NOVA1: variants seen among roughly 807,000 people sequenced by gnomAD.
NOVA1 encodes RNA-binding protein Nova-1.
A neutral mutation model predicts 38.0 loss-of-function variants in NOVA1; 7 were observed. The ratio of observed to expected loss-of-function variants is 0.18; its 90% confidence interval spans 0.10 to 0.35. NOVA1 has a LOEUF of 0.35. Ranked by LOEUF, NOVA1 falls within the 10% of genes least tolerant of loss-of-function variation. The probability of loss-of-function intolerance (pLI) is 1.00; values close to 1 mark genes in which losing one functional copy is unlikely to be tolerated. For synonymous variants in NOVA1, 270 were observed against 232.5 expected, an observed-to-expected ratio of 1.16 and a Z score of -1.47; for missense variants, 460 against 616.0, an observed-to-expected ratio of 0.75 and a Z score of 2.68.
intron 2 of NOVA1, among the ~76,000 whole-genome samples, chr14:26,532,619 C>T (rs1420843192): frequency 2.0e-5 from 3 of 152,086 alleles, no homozygotes; most frequent in African/African-American, 7.2e-5. Context: ...TATACCATAG[C>T]TTGACTATGG....
intron 2 of NOVA1, among the ~76,000 whole-genome samples, chr14:26,508,891 A>G (rs1185287540): frequency 6.6e-6 from 1 of 151,932 alleles, no homozygotes; most frequent in African/African-American, 2.4e-5. Context: ...ATATGTTTAA[A>G]TATATGAAAG....
At chr14:26,580,867 G>A (rs61988061) in intron 2 of NOVA1, among the ~76,000 whole-genome samples, 146 of 151,364 alleles carry the variant, frequency 9.6e-4, no homozygotes, top group Non-Finnish European at 1.6e-3. Flanking sequence ...TCCTTTTTAG[G>A]GCCACATTAA....
chr14:26,556,079 C>T (rs1891462584), intron 2 of NOVA1, among the ~76,000 whole-genome samples: 1 of 152,038 alleles, frequency 6.6e-6, no homozygotes, highest in Non-Finnish European at 1.5e-5. Context: ...TCAGATCTTC[C>T]CTACTTGATC....
intron 2 of NOVA1, among the ~76,000 whole-genome samples, chr14:26,537,767 T>G (rs1566516374): frequency 6.6e-6 from 1 of 152,088 alleles, no homozygotes. Flanking sequence ...CAGTGATAAG[T>G]GCTGTGAAGA....
At position 26,597,514 on chromosome 14, in the gene NOVA1, T is replaced by TTC. The variant is rs1894282760; in HGVS notation, c.-79_-78insGA. Reference sequence around the variant, plus strand: ...CTTTTTCTTTTCTTTTTTCTTTTTTTTTTTTTTTTTTTTTTGCGTTTGGGG... The same window carrying TTC: ...CTTTTTCTTTTCTTTTTTCTTTTTTTTCTTTTTTTTTTTTTTTGCGTTTGGGG... On this transcript the variant is annotated 5_prime_UTR_variant, in exon 1 of 5. Coordinates refer to ENST00000539517, the MANE Select transcript of NOVA1 (RefSeq NM_002515.3). 1 of 1,154,042 alleles carries TTC rather than the reference T, an allele frequency of 8.7e-7. No homozygotes were observed. Among genetic ancestry groups the TTC allele is most frequent in the Non-Finnish European group, 1.1e-6 (1 of 932,062 alleles). 71.5% of individuals were successfully genotyped at this position (1,154,042 alleles called of 1,614,324 possible).
intron 2 of NOVA1, among the ~76,000 whole-genome samples, chr14:26,482,890 CAG>C (rs1197887293): frequency 6.6e-6 from 1 of 152,010 alleles, no homozygotes; most frequent in East Asian, 1.9e-4. Flanking sequence ...TTTGTAGAGA[CAG>C]AGTTTCGACA....
At position 26,448,511 on chromosome 14, in the gene NOVA1, G is replaced by A. The variant is rs752157270; in HGVS notation, c.972C>T (p.Ser324=). Residue 324 remains serine, a synonymous_variant, in exon 5 of 5, where the codon AGC becomes AGT. Transcript: ENST00000539517. The surrounding 1 kb of genome is among the most constrained non-coding windows in gnomAD (Gnocchi z 5.3). The part of the protein sequence containing the change: ...AITSALNTLA[S]YGYNLNTLGL... ...CTAAAGTGTTGAGATTATATCCATA[G>A]CTGGCTAATGTATTAAGTGCAGAGG... 21 of 1,614,060 alleles carry A rather than the reference G, an allele frequency of 1.3e-5. No homozygotes were observed. Among genetic ancestry groups the A allele is most frequent in the Admixed American group, 5.0e-5 (3 of 60,004 alleles).
chr14:26,503,368 G>GT (rs1346738346), intron 2 of NOVA1, among the ~76,000 whole-genome samples: 1 of 151,940 alleles, frequency 6.6e-6, no homozygotes, highest in African/African-American at 2.4e-5. Flanking sequence ...AGTGGAAGAA[G>GT]GGAAAGGACT....
chr14:26,543,731 G>T (rs990822998), intron 2 of NOVA1, among the ~76,000 whole-genome samples: 27 of 151,960 alleles, frequency 1.8e-4, no homozygotes, highest in African/African-American at 6.5e-4. Context: ...CAATGGTAGT[G>T]TAACAGGATA....
chr14:26,560,344 T>A (rs1274118815), intron 2 of NOVA1, among the ~76,000 whole-genome samples: 1 of 152,154 alleles, frequency 6.6e-6, no homozygotes, highest in African/African-American at 2.4e-5. Context: ...TAAGAAAATA[T>A]AAATTTACTT....
chr14:26,566,558 C>T (rs555449918), intron 2 of NOVA1, among the ~76,000 whole-genome samples: 3 of 152,080 alleles, frequency 2.0e-5, no homozygotes, highest in African/African-American at 7.2e-5. Flanking sequence ...TTATTATTAT[C>T]ATTATTACTA....
chr14:26,469,681 C>T (rs1463706675), intron 4 of NOVA1, among the ~76,000 whole-genome samples: 3 of 152,186 alleles, frequency 2.0e-5, no homozygotes, highest in African/African-American at 7.2e-5. Context: ...CCTCGAACTC[C>T]TGGCCTCAGG....
intron 2 of NOVA1, chr14:26,519,258 A>C (rs1347214285): frequency 6.6e-6 from 1 of 152,170 alleles, no homozygotes; most frequent in South Asian, 2.1e-4. Context: ...CAAATGAAAC[A>C]ATCACAGTAC....
At chr14:26,523,366 T>C (rs1284233093) in intron 2 of NOVA1, among the ~76,000 whole-genome samples, 1 of 152,222 alleles carries the variant, frequency 6.6e-6, no homozygotes, top group East Asian at 1.9e-4. Flanking sequence ...TGCCACCTTA[T>C]TTATAACAAA....
At chr14:26,485,651 C>G (rs1481536062) in intron 2 of NOVA1, among the ~76,000 whole-genome samples, 1 of 152,046 alleles carries the variant, frequency 6.6e-6, no homozygotes, top group Non-Finnish European at 1.5e-5. Context: ...GAATAACGAA[C>G]ATATGCTAAT....
chr14:26,505,176 A>T (rs930191369), intron 2 of NOVA1, among the ~76,000 whole-genome samples: 20 of 152,178 alleles, frequency 1.3e-4, no homozygotes, highest in Non-Finnish European at 2.6e-4. Flanking sequence ...ACGCTGCACA[A>T]TGTTTACCTA....
At chr14:26,500,015 T>C (rs1887135448) in intron 2 of NOVA1, among the ~76,000 whole-genome samples, 1 of 152,104 alleles carries the variant, frequency 6.6e-6, no homozygotes, top group Non-Finnish European at 1.5e-5. Flanking sequence ...TTCTTAGGTG[T>C]TCTGATTGCA....
chr14:26,594,962 T>C (rs770742000), intron 2 of NOVA1, among the ~76,000 whole-genome samples: 5 of 152,050 alleles, frequency 3.3e-5, no homozygotes, highest in Non-Finnish European at 7.4e-5. Flanking sequence ...AACAAAGCAA[T>C]GAAGCAGAAA....
intron 2 of NOVA1, among the ~76,000 whole-genome samples, chr14:26,561,403 A>G (rs1247715947): frequency 6.6e-6 from 1 of 152,242 alleles, no homozygotes; most frequent in Non-Finnish European, 1.5e-5. Flanking sequence ...CATGTCATAT[A>G]AGATTTGTGA....
Sources: allele counts gnomAD v4.1 joint callset (sites outside exome capture counted in the v4.1 genomes callset), GRCh38; gene constraint gnomAD v4.1.1; non-coding constraint Gnocchi (gnomAD v3.1); transcripts MANE v1.5; gene names NCBI Gene and HGNC (gene_info 2026-07-23, HGNC 2026-07-21).